FGF12: variants seen among roughly 807,000 people sequenced by gnomAD.
The protein encoded by FGF12 is fibroblast growth factor 12.
A neutral mutation model predicts 23.6 loss-of-function variants in FGF12; 14 were observed. The ratio of observed to expected loss-of-function variants is 0.59; its 90% CI spans 0.39 to 0.93. The LOEUF is 0.93. FGF12 is among the 40% of genes least tolerant of loss of function. FGF12 has a pLI of 0.00. For synonymous variants in FGF12, 62 were observed against 77.3 expected (o/e 0.80, Z 1.04); for missense variants, 175 against 217.8 (o/e 0.80, Z 1.24).
chr3:192,441,636 C>T (rs913472867), intron 2 of FGF12, among the ~76,000 whole-genome samples: 4 of 152,220 alleles, frequency 2.6e-5, no homozygotes, highest in Non-Finnish European at 4.4e-5. Flanking sequence ...AAATGAGAAA[C>T]GTCAGCACTT....
chr3:192,493,336 T>C (rs1436919176), intron 2 of FGF12, among the ~76,000 whole-genome samples: 1 of 152,220 alleles, frequency 6.6e-6, no homozygotes, highest in East Asian at 1.9e-4. Flanking sequence ...AGTTAGCTGT[T>C]AAGTATGTCA....
chr3:192,367,526 T>C (rs1273883133), intron 2 of FGF12, among the ~76,000 whole-genome samples: 2 of 152,180 alleles, frequency 1.3e-5, no homozygotes, highest in African/African-American at 4.8e-5. Context: ...CATATTTACA[T>C]ACCATAAACC....
At chr3:192,715,169 T>C (rs1025623135) in intron 2 of FGF12, among the ~76,000 whole-genome samples, 1 of 152,236 alleles carries the variant, frequency 6.6e-6, no homozygotes, top group African/African-American at 2.4e-5. Flanking sequence ...TTTTTAAAGA[T>C]GATTACAGTA....
chr3:192,567,789 CTT>C (rs1214953104), intron 2 of FGF12, among the ~76,000 whole-genome samples: 2 of 130,388 alleles, frequency 1.5e-5, no homozygotes, highest in African/African-American at 2.8e-5. Context: ...TTCTTTCTTT[CTT>C]TCTTTCTTTC....
At chr3:192,290,461 G>A (rs771393296) in intron 4 of FGF12, among the ~76,000 whole-genome samples, 1 of 152,166 alleles carries the variant, frequency 6.6e-6, no homozygotes, top group Non-Finnish European at 1.5e-5. Flanking sequence ...AGGGGAAGTT[G>A]TAGGAGTTAC....
chr3:192,726,059 C>T (rs1411504212), intron 2 of FGF12, among the ~76,000 whole-genome samples: 1 of 152,246 alleles, frequency 6.6e-6, no homozygotes, highest in South Asian at 2.1e-4. Context: ...TTAAATCTAC[C>T]AATTAAATAC....
intron 2 of FGF12, among the ~76,000 whole-genome samples, chr3:192,498,082 T>G (rs1724015714): frequency 6.6e-6 from 1 of 152,246 alleles, no homozygotes; most frequent in African/African-American, 2.4e-5. Context: ...TTACTTAAAG[T>G]GTTCTTTCTC....
chr3:192,152,408 G>A (rs1319946456), intron 5 of FGF12, among the ~76,000 whole-genome samples: 1 of 104,126 alleles, frequency 9.6e-6, no homozygotes, highest in Non-Finnish European at 2.0e-5. Context: ...GTGATGTTAG[G>A]GTGTCAATTT....
intron 5 of FGF12, among the ~76,000 whole-genome samples, chr3:192,152,812 T>C (rs566856392): frequency 9.8e-6 from 1 of 101,914 alleles, no homozygotes; most frequent in South Asian, 4.3e-4. Context: ...TGGAGAGTTC[T>C]GTAGATGTCT....
In FGF12 at chr3:192,666,957, A is replaced by AGATAGATC. The variant is rs1375938280; in HGVS notation, c.13+60223_13+60224insGATCTATC. 3.3e-5 allele frequency among the ~76,000 whole-genome samples: 5 copies of AGATAGATC among 151,926 alleles called. No individual in the cohort carries two copies. In the South Asian group the frequency reaches 8.4e-4, roughly 26 times the overall value. ...TAGATAGATAGATAGATAGATAGAT[A>AGATAGATC]GACATAAAGAACATCATAATATAAT... On this transcript the variant is annotated intron_variant, in intron 2 of 5. Transcript: ENST00000445105.
At chr3:192,315,585 T>A (rs1447443328) in intron 4 of FGF12, among the ~76,000 whole-genome samples, 1 of 152,036 alleles carries the variant, frequency 6.6e-6, no homozygotes, top group Non-Finnish European at 1.5e-5. Flanking sequence ...AACCAGGTCA[T>A]CCTAGGGGGA....
intron 2 of FGF12, among the ~76,000 whole-genome samples, chr3:192,715,210 T>C (rs1018780946): frequency 1.3e-5 from 2 of 152,222 alleles, no homozygotes; most frequent in Non-Finnish European, 2.9e-5. Context: ...AATGAAATCA[T>C]CACCTACATT....
intron 2 of FGF12, among the ~76,000 whole-genome samples, chr3:192,505,201 C>T (rs912273325): frequency 1.3e-5 from 2 of 152,048 alleles, no homozygotes; most frequent in African/African-American, 4.8e-5. Flanking sequence ...AAATGATTCA[C>T]TATTCTCCAC....
intron 2 of FGF12, among the ~76,000 whole-genome samples, chr3:192,527,662 A>AT (rs1170789746): frequency 1.3e-5 from 2 of 152,270 alleles, no homozygotes; most frequent in Admixed American, 6.5e-5. Flanking sequence ...TGTTATTTTC[A>AT]TTTTTATTTT....
chr3:192,595,919 C>T (rs1713822262), intron 2 of FGF12, among the ~76,000 whole-genome samples: 1 of 151,708 alleles, frequency 6.6e-6, no homozygotes, highest in Non-Finnish European at 1.5e-5. Flanking sequence ...ATGGTGAAAC[C>T]CTGTTTCTAC....
At position 192,293,042 on chromosome 3, in the gene FGF12, C is replaced by T. The variant is rs923585827; in HGVS notation, c.228+42319G>A. ...CAGTCCTCCCACTTCATCCTACCAA[C>T]GTGCTGGGATTATAGGCATAAGCCA... On this transcript the variant is annotated intron_variant, in intron 4 of 5. Coordinates refer to ENST00000445105, the MANE Select transcript of FGF12 (RefSeq NM_004113.6). Among the ~76,000 whole-genome samples, 21 of 152,076 alleles carry T rather than the reference C, an allele frequency of 1.4e-4. 1 individual carries two copies. The highest frequency in any genetic ancestry group is 4.1e-4 in the African/African-American group (17 of 41,426).
intron 2 of FGF12, among the ~76,000 whole-genome samples, chr3:192,544,763 G>A (rs142542776): frequency 3.5e-4 from 54 of 152,248 alleles, no homozygotes; most frequent in Non-Finnish European, 6.5e-4. Context: ...TGATTCTAGA[G>A]CTAGACTTTT....
intron 2 of FGF12, among the ~76,000 whole-genome samples, chr3:192,419,304 C>T (rs1721450774): frequency 6.6e-6 from 1 of 151,998 alleles, no homozygotes; most frequent in Non-Finnish European, 1.5e-5. Flanking sequence ...TGATCATGAC[C>T]CCATTTGAAA....
At chr3:192,505,543 A>G (rs920913995) in intron 2 of FGF12, among the ~76,000 whole-genome samples, 2 of 152,226 alleles carry the variant, frequency 1.3e-5, no homozygotes, top group Non-Finnish European at 2.9e-5. Context: ...TTATAGATTT[A>G]TAAGAGATTT....
Sources: gnomAD v4.1 joint callset for allele counts (sites outside exome capture counted in the v4.1 genomes callset) on GRCh38, gnomAD v4.1.1 for gene constraint, MANE v1.5 for transcripts, NCBI Gene and HGNC (gene_info 2026-07-23, HGNC 2026-07-21) for gene names.